Variants in HK1 observed in about 807,000 individuals in gnomAD.
The protein encoded by HK1 is hexokinase-1.
A neutral mutation model predicts 91.6 loss-of-function variants in HK1; 28 were observed. The observed-to-expected ratio is 0.31, with a 90% CI of 0.23 to 0.42. The LOEUF (loss-of-function observed/expected upper bound fraction) is 0.42. HK1 is among the 10% of genes least tolerant of loss of function. HK1 has a pLI of 1.00. For missense variants in HK1, 770 were observed against 1,219.8 expected (o/e 0.63, Z 5.49); for synonymous variants, 430 against 468.1 (o/e 0.92, Z 1.05).
intron 14 of HK1, 179 bp downstream of exon 14, chr10:69,389,475 G>T (rs1035210429): frequency 1.7e-6 from 1 of 590,578 alleles, no homozygotes; most frequent in Non-Finnish European, 3.2e-6. Context: ...CTGGCGGGGG[G>T]AGGTGGGGGG....
At chr10:69,390,273 T>C (rs1839837343) in intron 14 of HK1, among the ~76,000 whole-genome samples, 1 of 152,216 alleles carries the variant, frequency 6.6e-6, no homozygotes, top group Non-Finnish European at 1.5e-5. Flanking sequence ...GGGTATGAAA[T>C]GCAAAGCTAG....
At chr10:69,281,455 C>T (rs1040394583) in intron 1 of HK1, among the ~76,000 whole-genome samples, 3 of 152,194 alleles carry the variant, frequency 2.0e-5, no homozygotes, top group South Asian at 2.1e-4. Context: ...CCTCCTTTAT[C>T]GAGGCTTACC....
chr10:69,351,532 A>AC (rs1421291236), intron 2 of HK1, among the ~76,000 whole-genome samples: 4 of 147,008 alleles, frequency 2.7e-5, no homozygotes, highest in African/African-American at 1.0e-4. Flanking sequence ...AAAAACAAAA[A>AC]AAACAAAACA....
chr10:69,315,107 T>A (rs1846568140), upstream of HK1, among the ~76,000 whole-genome samples: 1 of 152,238 alleles, frequency 6.6e-6, no homozygotes, highest in Non-Finnish European at 1.5e-5. Flanking sequence ...CACATCCTCA[T>A]TGACTGATTA....
chr10:69,333,515 C>G (rs1034069489), intron 1 of HK1, among the ~76,000 whole-genome samples: 1 of 152,138 alleles, frequency 6.6e-6, no homozygotes, highest in Non-Finnish European at 1.5e-5. Flanking sequence ...GCCTTGTTCT[C>G]TTTCTGGGCA....
chr10:69,360,514 T>A (rs1353916765), intron 3 of HK1, among the ~76,000 whole-genome samples: 2 of 152,214 alleles, frequency 1.3e-5, no homozygotes, highest in African/African-American at 2.4e-5. Context: ...AGCTCTGGGC[T>A]ATTTGGGGGC....
Position 69,369,510 on chromosome 10 carries a change from G to A in HK1, c.761G>A (p.Arg254Lys), listed in dbSNP as rs1227154438. ...GATCTGGTGGAAGGAGACGAGGGGA[G>A]GATGTGTATCAATACAGAATGGGGA... ...HIDLVEGDEG[R>K]MCINTEWGAF... The change falls in exon 7 of 18, where the codon AGG (arginine) becomes AAG (lysine). Residue 254 changes from arginine (R) to lysine (K), a missense_variant. Transcript: ENST00000359426. This position sits in a 1 kb window ranked among gnomAD's most constrained non-coding sequence, Gnocchi z 4.4. 2 of 1,614,098 alleles carry A rather than the reference G, an allele frequency of 1.2e-6. No homozygotes were observed. The highest frequency in any genetic ancestry group is 1.7e-6 in the Non-Finnish European group (2 of 1,180,040).
Position 69,368,546 on chromosome 10 carries a change from T to G in HK1, c.506T>G (p.Ile169Ser). The change falls in exon 5 of 18, where the codon ATC (isoleucine) becomes AGC (serine). Residue 169 changes from isoleucine (I) to serine (S), a missense_variant. Coordinates refer to ENST00000359426, the MANE Select transcript of HK1 (RefSeq NM_000188.3). The part of the protein sequence containing the change: ...QQSKIDEAIL[I>S]TWTKRFKASG... ...CATTCTTCTTTGCAGGCCATCCTGA[T>G]CACCTGGACAAAGCGATTTAAAGCG... 1 of 1,614,156 alleles carries G rather than the reference T, an allele frequency of 6.2e-7. No individual in the cohort carries two copies. Among genetic ancestry groups the G allele is most frequent in the Non-Finnish European group, 8.5e-7 (1 of 1,179,972 alleles).
chr10:69,323,879 T>C (rs1458854346), intron 1 of HK1, among the ~76,000 whole-genome samples: 1 of 152,210 alleles, frequency 6.6e-6, no homozygotes, highest in Non-Finnish European at 1.5e-5. Context: ...TCTGTGTGTG[T>C]CTGCAGTCAG....
rs1318293468 is a variant in HK1, at chr10:69,318,957, G to T, written c.10G>T (p.Ala4Ser). 2 of 1,597,916 alleles carry T rather than the reference G, an allele frequency of 1.3e-6. No individual in the cohort carries two copies. Among genetic ancestry groups the T allele is most frequent in the East Asian group, 2.3e-5 (1 of 43,932 alleles). Reference sequence around the variant, plus strand: ...GACCCCGACCGCCAGCATGATCGCCGCGCAGCTCCTGGCCTATTACTTCAC... The same window carrying T: ...GACCCCGACCGCCAGCATGATCGCCTCGCAGCTCCTGGCCTATTACTTCAC... Reference protein sequence around the residue: MIAAQLLAYYFTEL... With the variant: MIASQLLAYYFTEL... Residue 4 changes from alanine (A) to serine (S), a missense_variant, in exon 1 of 18, where the codon GCG becomes TCG. Physicochemically the swap from Ala to Ser is moderately conservative, Grantham distance 99. Coordinates refer to ENST00000359426, the MANE Select transcript of HK1 (RefSeq NM_000188.3).
upstream of HK1, chr10:69,316,061 G>T: frequency 6.9e-7 from 1 of 1,458,808 alleles, no homozygotes; most frequent in South Asian, 1.1e-5. Flanking sequence ...GGCCTTAGAT[G>T]AGAGGGGATG....
chr10:69,387,790 C>T (rs1031115405), intron 13 of HK1, among the ~76,000 whole-genome samples: 2 of 151,814 alleles, frequency 1.3e-5, no homozygotes, highest in African/African-American at 4.8e-5. Flanking sequence ...GGCTGGAGGA[C>T]ATTGAAAAAA....
At chr10:69,343,217 C>G (rs1311672182) in intron 1 of HK1, among the ~76,000 whole-genome samples, 2 of 152,174 alleles carry the variant, frequency 1.3e-5, no homozygotes, top group Non-Finnish European at 2.9e-5. Context: ...GAAGTCTTGC[C>G]CATGGACACC....
At chr10:69,295,563 A>C (rs1411044193) in intron 3 of HK1, 1 of 1,008,166 alleles carries the variant, frequency 9.9e-7, no homozygotes, top group African/African-American at 1.6e-5. Context: ...AGTTATAAGC[A>C]TCAATATGTT....
At chr10:69,378,470 G>A (rs752112381) in intron 8 of HK1, among the ~76,000 whole-genome samples, 1 of 152,114 alleles carries the variant, frequency 6.6e-6, no homozygotes, top group Non-Finnish European at 1.5e-5. Flanking sequence ...AAAGACGAGA[G>A]ATAAATTAAA....
At chr10:69,378,325 A>G (rs939913905) in intron 8 of HK1, among the ~76,000 whole-genome samples, 1 of 151,722 alleles carries the variant, frequency 6.6e-6, no homozygotes, top group Non-Finnish European at 1.5e-5. Flanking sequence ...AAAAAAAACT[A>G]TAAAAACATC....
upstream of HK1, among the ~76,000 whole-genome samples, chr10:69,314,050 G>A (rs112485352): frequency 0.072 from 11,001 of 152,134 alleles, 924 homozygotes; most frequent in African/African-American, 0.21. Flanking sequence ...GCCTTCTCCC[G>A]CAGGAAGCAG....
At chr10:69,395,754 G>T (rs950280766) in intron 16 of HK1, among the ~76,000 whole-genome samples, 2 of 152,166 alleles carry the variant, frequency 1.3e-5, no homozygotes, top group Non-Finnish European at 2.9e-5. Flanking sequence ...GGATTTATCT[G>T]AAAGGCAGCC....
chr10:69,385,453 G>C (rs979794182), intron 12 of HK1, among the ~76,000 whole-genome samples: 3 of 152,208 alleles, frequency 2.0e-5, no homozygotes, highest in East Asian at 1.9e-4. Flanking sequence ...ACAGTCTAGT[G>C]GGGGAGCCGA....
Sources: gnomAD v4.1 joint callset for allele counts (sites outside exome capture counted in the v4.1 genomes callset) on GRCh38, gnomAD v4.1.1 for gene constraint, Gnocchi (gnomAD v3.1) non-coding constraint, MANE v1.5 for transcripts, NCBI Gene and HGNC (gene_info 2026-07-23, HGNC 2026-07-21) for gene names.